PDGFD: variants seen among roughly 807,000 people sequenced by gnomAD.
The protein encoded by PDGFD is platelet derived growth factor D.
PDGFD carries 30 observed loss-of-function variants against 44.7 expected under a neutral mutation model. The ratio of observed to expected loss-of-function variants is 0.67; its 90% CI spans 0.50 to 0.91. The LOEUF is 0.91. Among genes scored for constraint, PDGFD ranks in the 40% least tolerant of loss-of-function variants. PDGFD has a pLI of 0.00. For synonymous variants in PDGFD, 173 were observed against 168.4 expected (o/e 1.03, Z -0.21); for missense variants, 445 against 457.8 (o/e 0.97, Z 0.25).
At chr11:104,134,552 G>A (rs1033433584) in intron 1 of PDGFD, among the ~76,000 whole-genome samples, 2 of 152,118 alleles carry the variant, frequency 1.3e-5, no homozygotes, top group East Asian at 3.9e-4. Flanking sequence ...CCAGTCCATA[G>A]GACAGACTGA....
intron 1 of PDGFD, among the ~76,000 whole-genome samples, chr11:104,067,498 C>T (rs1177254927): frequency 4.6e-5 from 7 of 152,204 alleles, no homozygotes; most frequent in Non-Finnish European, 7.4e-5. Flanking sequence ...AAATAAAACA[C>T]ACACATAATT....
intron 6 of PDGFD, among the ~76,000 whole-genome samples, chr11:103,918,270 G>A (rs1200426217): frequency 6.6e-6 from 1 of 152,142 alleles, no homozygotes; most frequent in Non-Finnish European, 1.5e-5. Flanking sequence ...ACCTTGGAAG[G>A]GGTTGGGGTT....
chr11:104,154,802 C>A (rs372517752), intron 1 of PDGFD, among the ~76,000 whole-genome samples: 8 of 152,278 alleles, frequency 5.3e-5, no homozygotes, highest in African/African-American at 1.9e-4. Context: ...CAGAGTCTAA[C>A]TTTGCAGTTT....
intron 2 of PDGFD, among the ~76,000 whole-genome samples, chr11:103,997,036 A>G (rs944202984): frequency 6.6e-6 from 1 of 152,212 alleles, no homozygotes; most frequent in Non-Finnish European, 1.5e-5. Context: ...GTGTTCCATC[A>G]TTCTATCACA....
intron 1 of PDGFD, among the ~76,000 whole-genome samples, chr11:104,031,976 C>T (rs890359947): frequency 2.0e-5 from 3 of 152,080 alleles, no homozygotes; most frequent in African/African-American, 7.2e-5. Context: ...GGAAACAACA[C>T]TCACTGGGGT....
chr11:103,929,863 G>A (rs138687005), intron 5 of PDGFD, among the ~76,000 whole-genome samples: 684 of 152,242 alleles, frequency 4.5e-3, no homozygotes, highest in Non-Finnish European at 6.9e-3. Context: ...TCTGGTGCTT[G>A]GGTTAGAAGG....
intron 2 of PDGFD, among the ~76,000 whole-genome samples, chr11:103,996,585 A>T (rs1859536702): frequency 6.6e-6 from 1 of 152,212 alleles, no homozygotes. Context: ...TAGGAGATGT[A>T]ACTCTAGTTA....
intron 3 of PDGFD, among the ~76,000 whole-genome samples, chr11:103,961,154 CA>C (rs1858929729): frequency 6.6e-6 from 1 of 152,136 alleles, no homozygotes; most frequent in Non-Finnish European, 1.5e-5. Flanking sequence ...GTACCTACAA[CA>C]GGGCCTGTTA....
intron 1 of PDGFD, among the ~76,000 whole-genome samples, chr11:104,015,855 T>C (rs996154770): frequency 4.6e-5 from 7 of 152,312 alleles, no homozygotes; most frequent in Middle Eastern, 6.8e-3. Context: ...AGACAGTCCC[T>C]TCATGCATAT....
At chr11:104,025,423 A>AATGG (rs1860027764) in intron 1 of PDGFD, among the ~76,000 whole-genome samples, 1 of 152,232 alleles carries the variant, frequency 6.6e-6, no homozygotes, top group Admixed American at 6.5e-5. Flanking sequence ...AACACAACAC[A>AATGG]ATGGATACAA....
At chr11:103,980,666 C>T (rs1164042846) in intron 3 of PDGFD, among the ~76,000 whole-genome samples, 1 of 151,844 alleles carries the variant, frequency 6.6e-6, no homozygotes, top group South Asian at 2.1e-4. Context: ...ATATTTGTGT[C>T]CCCCCCAAAA....
chr11:104,116,550 C>G (rs570614949), intron 1 of PDGFD, among the ~76,000 whole-genome samples: 24 of 152,120 alleles, frequency 1.6e-4, no homozygotes, highest in African/African-American at 5.8e-4. Context: ...CAGTATTACC[C>G]TAATACCAAA....
intron 1 of PDGFD, among the ~76,000 whole-genome samples, chr11:104,058,546 T>C (rs1343557679): frequency 6.6e-6 from 1 of 152,226 alleles, no homozygotes; most frequent in African/African-American, 2.4e-5. Flanking sequence ...TCATGTATTG[T>C]TGATGGGAAT....
chr11:104,033,048 G>C (rs558148448), intron 1 of PDGFD, among the ~76,000 whole-genome samples: 107 of 116,976 alleles, frequency 9.1e-4, no homozygotes, highest in African/African-American at 2.9e-3. Context: ...TTATGTTTAG[G>C]GGTGTGTGTG....
At chr11:104,150,938 T>C (rs1230242711) in intron 1 of PDGFD, among the ~76,000 whole-genome samples, 1 of 152,228 alleles carries the variant, frequency 6.6e-6, no homozygotes, top group African/African-American at 2.4e-5. Context: ...TTGGGGTCAT[T>C]ATTCAGCCAT....
intron 3 of PDGFD, among the ~76,000 whole-genome samples, chr11:103,956,223 C>A (rs1334949931): frequency 6.6e-6 from 1 of 151,402 alleles, no homozygotes; most frequent in Non-Finnish European, 1.5e-5. Context: ...TCCCCCCACC[C>A]CACAACAGTC....
intron 1 of PDGFD, among the ~76,000 whole-genome samples, chr11:104,138,538 T>C (rs931836837): frequency 6.6e-6 from 1 of 152,154 alleles, no homozygotes; most frequent in East Asian, 1.9e-4. Context: ...ACCTGTAGCA[T>C]GGACACAACC....
At chr11:104,103,627 G>A (rs1861430198) in intron 1 of PDGFD, among the ~76,000 whole-genome samples, 1 of 151,512 alleles carries the variant, frequency 6.6e-6, no homozygotes. Context: ...CAGGATTGTG[G>A]CCCCATCAAA....
At chr11:103,927,241 T>C in intron 5 of PDGFD, 115 bp from the exon 6 acceptor site, 1 of 903,158 alleles carries the variant, frequency 1.1e-6, no homozygotes, top group Non-Finnish European at 1.7e-6. Context: ...AATCCTGGGA[T>C]TAAATCCATC....
Sources: allele counts gnomAD v4.1 joint callset (sites outside exome capture counted in the v4.1 genomes callset), GRCh38; gene constraint gnomAD v4.1.1; transcripts MANE v1.5; gene names NCBI Gene and HGNC (gene_info 2026-07-23, HGNC 2026-07-21).